Variants in PCMT1 observed in about 807,000 individuals in gnomAD.
PCMT1 encodes protein-L-isoaspartate (D-aspartate) O-methyltransferase, also known as protein-L-isoaspartate(D-aspartate) O-methyltransferase.
PCMT1 carries 9 observed loss-of-function variants against 29.2 expected under a neutral mutation model. The ratio of observed to expected loss-of-function variants is 0.31; its 90% CI spans 0.19 to 0.54. The LOEUF (loss-of-function observed/expected upper bound fraction) is 0.54, where lower values mean the gene tolerates loss of function less well. Among genes scored for constraint, PCMT1 ranks in the 20% least tolerant of loss-of-function variants. The pLI is 0.95. For missense variants in PCMT1, 184 were observed against 282.2 expected (o/e 0.65, Z 2.49); for synonymous variants, 98 against 97.5 (o/e 1.00, Z -0.03).
At chr6:149,796,549 T>G in intron 6 of PCMT1, 49 bp downstream of exon 6, 1 of 1,259,390 alleles carries the variant, frequency 7.9e-7, no homozygotes, top group Non-Finnish European at 1.1e-6. Flanking sequence ...ACTAAAACTC[T>G]ACAAGACTTA....
At chr6:149,796,820 T>TG in intron 6 of PCMT1, 1 of 187,616 alleles carries the variant, frequency 5.3e-6, no homozygotes, top group Non-Finnish European at 1.1e-5. Flanking sequence ...TGTTTTTTGT[T>TG]TTTTGTTTTT....
chr6:149,782,113 G>A (rs1366154865), intron 3 of PCMT1, among the ~76,000 whole-genome samples: 1 of 152,122 alleles, frequency 6.6e-6, no homozygotes, highest in Non-Finnish European at 1.5e-5. Flanking sequence ...AGCCATCTAT[G>A]ACTGTTAATA....
At chr6:149,794,670 AT>A (rs111719245) in intron 5 of PCMT1, 139,924 of 297,140 alleles carry the variant, frequency 0.47, 37,947 homozygotes, top group East Asian at 0.81. Context: ...AGCCACAGCC[AT>A]CCCCTAGAGG....
intron 7 of PCMT1, among the ~76,000 whole-genome samples, chr6:149,808,722 C>T (rs765072522): frequency 8.6e-5 from 13 of 151,816 alleles, no homozygotes; most frequent in African/African-American, 1.2e-4. Context: ...CTGCAACCTC[C>T]GCCTCCCTGG....
intron 1 of PCMT1, among the ~76,000 whole-genome samples, chr6:149,764,837 C>G (rs973521229): frequency 1.7e-4 from 25 of 151,298 alleles, no homozygotes; most frequent in Non-Finnish European, 1.0e-4. Flanking sequence ...ATCAGAAGAT[C>G]GAGACCATCC....
chr6:149,792,113 G>C (rs955151396), intron 4 of PCMT1, among the ~76,000 whole-genome samples: 1 of 152,032 alleles, frequency 6.6e-6, no homozygotes, highest in African/African-American at 2.4e-5. Flanking sequence ...TCTGGAGTTC[G>C]AGACCAGCCT....
At chr6:149,772,831 C>T (rs757116885) in intron 2 of PCMT1, 126 of 342,792 alleles carry the variant, frequency 3.7e-4, no homozygotes, top group South Asian at 1.0e-3. Flanking sequence ...TCCTGGCTAA[C>T]GCGGTGAAAC....
intron 1 of PCMT1, among the ~76,000 whole-genome samples, chr6:149,752,727 TTAAG>T (rs1270979310): frequency 3.3e-5 from 5 of 152,226 alleles, no homozygotes; most frequent in Non-Finnish European, 2.9e-5. Flanking sequence ...CAAATTGTGA[TTAAG>T]TAATTTTCCA....
At chr6:149,790,135 G>T (rs1788295709) in intron 4 of PCMT1, 77 bp downstream of exon 4, 4 of 783,250 alleles carry the variant, frequency 5.1e-6, no homozygotes, top group Non-Finnish European at 8.3e-6. Context: ...TTAACTAGTG[G>T]TTTTCATGTT....
chr6:149,756,340 A>G (rs542401497), intron 1 of PCMT1, among the ~76,000 whole-genome samples: 2 of 140,826 alleles, frequency 1.4e-5, no homozygotes, highest in Admixed American at 7.8e-5. Flanking sequence ...AGAAAAGAGC[A>G]TTTATTCTTT....
intron 4 of PCMT1, among the ~76,000 whole-genome samples, chr6:149,791,653 A>G (rs1281076836): frequency 6.6e-6 from 1 of 152,222 alleles, no homozygotes; most frequent in Non-Finnish European, 1.5e-5. Context: ...TATCCTAAAC[A>G]TCTAAAACAA....
chr6:149,771,819 TA>T (rs1236849504), intron 2 of PCMT1, among the ~76,000 whole-genome samples: 1 of 151,678 alleles, frequency 6.6e-6, no homozygotes, highest in South Asian at 2.1e-4. Context: ...CACCCTGCCG[TA>T]AAAAAAAACT....
intron 2 of PCMT1, chr6:149,772,477 T>C (rs1185280705): frequency 2.4e-6 from 1 of 415,420 alleles, no homozygotes; most frequent in Non-Finnish European, 4.7e-6. Flanking sequence ...TGAAAACTTA[T>C]TTTTAAAAAA....
intron 1 of PCMT1, among the ~76,000 whole-genome samples, chr6:149,753,724 C>A (rs1294613545): frequency 2.0e-5 from 3 of 152,166 alleles, no homozygotes; most frequent in Admixed American, 6.6e-5. Context: ...GTATTAAAAT[C>A]TATCATAATA....
intron 1 of PCMT1, among the ~76,000 whole-genome samples, chr6:149,760,125 G>A (rs555733880): frequency 3.3e-5 from 5 of 152,124 alleles, no homozygotes; most frequent in African/African-American, 1.2e-4. Context: ...CTAGTGTACT[G>A]ATTTCTGTTA....
intron 1 of PCMT1, among the ~76,000 whole-genome samples, chr6:149,760,107 A>AT (rs1309264038): frequency 6.6e-6 from 1 of 151,688 alleles, no homozygotes; most frequent in African/African-American, 2.4e-5. Flanking sequence ...CATTATACTG[A>AT]TTTTTTCCTA....
intron 1 of PCMT1, among the ~76,000 whole-genome samples, chr6:149,753,914 A>C (rs1286389164): frequency 1.3e-5 from 2 of 152,212 alleles, no homozygotes; most frequent in Non-Finnish European, 2.9e-5. Context: ...TTCAAAATAC[A>C]GATTGCCGGA....
chr6:149,793,617 T>G lies in PCMT1; in HGVS notation c.366T>G (p.Asn122Lys). ...AGCTAGTAGATGACTCAGTAAATAATGTCAGGAAGGACGATCCAACACTTC... is the reference window on the plus strand; with the variant it reads ...AGCTAGTAGATGACTCAGTAAATAAGGTCAGGAAGGACGATCCAACACTTC... ...IKELVDDSVN[N>K]VRKDDPTLLS... is the part of the protein sequence containing the mutation. The change falls in exon 5 of 8, where the codon AAT (asparagine) becomes AAG (lysine). Residue 122 changes from asparagine to lysine, a missense_variant. Coordinates refer to ENST00000464889, the MANE Select transcript of PCMT1 (RefSeq NM_001360452.2). 6.4e-7 allele frequency: 1 copy of G among 1,570,190 alleles called. No individual in the cohort carries two copies.
At chr6:149,779,068 C>T (rs1200569586) in intron 3 of PCMT1, among the ~76,000 whole-genome samples, 2 of 151,938 alleles carry the variant, frequency 1.3e-5, no homozygotes, top group East Asian at 1.9e-4. Context: ...GGTGCGGGGC[C>T]CGGGTTGAGA....
Sources: allele counts gnomAD v4.1 joint callset (sites outside exome capture counted in the v4.1 genomes callset), GRCh38; gene constraint gnomAD v4.1.1; transcripts MANE v1.5; gene names NCBI Gene and HGNC (gene_info 2026-07-23, HGNC 2026-07-21).